The following TSPAN5 variants were observed in gnomAD, a reference collection of about 807,000 sequenced individuals.
TSPAN5 encodes the protein tetraspanin 5, also known as tetraspanin-5.
A neutral mutation model predicts 37.1 loss-of-function variants in TSPAN5; 10 were observed. The ratio of observed to expected loss-of-function variants is 0.27; its 90% CI spans 0.17 to 0.46. The LOEUF (loss-of-function observed/expected upper bound fraction) is 0.46. Among genes scored for constraint, TSPAN5 ranks in the 20% least tolerant of loss-of-function variants. The probability of loss-of-function intolerance (pLI) is 1.00; values close to 1 mark genes in which losing one functional copy is unlikely to be tolerated. For missense variants in TSPAN5, 195 were observed against 326.6 expected, an observed-to-expected ratio of 0.60 and a Z score of 3.11; for synonymous variants, 110 against 118.9, an observed-to-expected ratio of 0.93 and a Z score of 0.48.
At chr4:98,657,978 G>GT (rs980685008) in intron 1 of TSPAN5, among the ~76,000 whole-genome samples, 168 bp downstream of exon 1, 2 of 152,182 alleles carry the variant, frequency 1.3e-5, no homozygotes, top group Admixed American at 1.3e-4. Flanking sequence ...AGGATTAAAT[G>GT]TTTATCTCTC....
intron 2 of TSPAN5, among the ~76,000 whole-genome samples, chr4:98,488,242 T>TA: frequency 6.6e-6 from 1 of 152,168 alleles, no homozygotes; most frequent in Non-Finnish European, 1.5e-5. Flanking sequence ...TTCCCAGTAC[T>TA]TCCCAGTCAG....
intron 1 of TSPAN5, chr4:98,657,682 G>A (rs1466151823): frequency 4.3e-6 from 1 of 232,324 alleles, no homozygotes; most frequent in Non-Finnish European, 8.4e-6. Flanking sequence ...GCACAGACCA[G>A]CCGCGGCAAC....
At chr4:98,541,194 C>G (rs1419271852) in intron 1 of TSPAN5, among the ~76,000 whole-genome samples, 3 of 152,196 alleles carry the variant, frequency 2.0e-5, no homozygotes, top group Non-Finnish European at 4.4e-5. Context: ...TAGACCCTTT[C>G]TAGTCCTAAG....
At chr4:98,537,268 C>T (rs1190349390) in intron 1 of TSPAN5, among the ~76,000 whole-genome samples, 2 of 152,184 alleles carry the variant, frequency 1.3e-5, no homozygotes, top group African/African-American at 4.8e-5. Context: ...CCTTGCGCTT[C>T]CCGGGTGAGG....
At chr4:98,535,795 T>C (rs933902536) in intron 1 of TSPAN5, among the ~76,000 whole-genome samples, 1 of 152,196 alleles carries the variant, frequency 6.6e-6, no homozygotes, top group African/African-American at 2.4e-5. Flanking sequence ...TCTTCAATCA[T>C]TGCTATCCTT....
intron 1 of TSPAN5, among the ~76,000 whole-genome samples, chr4:98,570,998 C>A (rs1490734158): frequency 6.7e-6 from 1 of 150,094 alleles, no homozygotes; most frequent in Non-Finnish European, 1.5e-5. Context: ...GGCGACAGAG[C>A]AAGACTCTAT....
At chr4:98,480,366 T>C (rs966546118) in intron 4 of TSPAN5, among the ~76,000 whole-genome samples, 3 of 152,226 alleles carry the variant, frequency 2.0e-5, no homozygotes, top group Admixed American at 6.5e-5. Context: ...AACAAGTGCA[T>C]GTGTTTTACA....
chr4:98,498,755 G>A (rs745428029), intron 2 of TSPAN5, among the ~76,000 whole-genome samples: 11 of 152,138 alleles, frequency 7.2e-5, no homozygotes, highest in Non-Finnish European at 1.0e-4. Context: ...CACTTGACCC[G>A]CACAGCCATT....
intron 1 of TSPAN5, among the ~76,000 whole-genome samples, chr4:98,530,278 T>A (rs774246647): frequency 1.3e-5 from 2 of 152,186 alleles, no homozygotes; most frequent in Non-Finnish European, 2.9e-5. Flanking sequence ...CCCTAGACAC[T>A]GAGAAAGTGA....
intron 1 of TSPAN5, among the ~76,000 whole-genome samples, chr4:98,568,979 CT>C (rs1365164119): frequency 6.6e-6 from 1 of 152,220 alleles, no homozygotes; most frequent in African/African-American, 2.4e-5. Flanking sequence ...TCAGGACCCA[CT>C]GGCAAAGTCA....
At chr4:98,542,236 T>C (rs1248106365) in intron 1 of TSPAN5, among the ~76,000 whole-genome samples, 1 of 152,228 alleles carries the variant, frequency 6.6e-6, no homozygotes, top group African/African-American at 2.4e-5. Flanking sequence ...ACACATCTGC[T>C]CACATCCGTT....
At chr4:98,494,208 G>C (rs948037066) in intron 2 of TSPAN5, among the ~76,000 whole-genome samples, 5 of 152,070 alleles carry the variant, frequency 3.3e-5, no homozygotes, top group African/African-American at 1.2e-4. Context: ...GCTCTAGAGT[G>C]GGGCAGAGAG....
chr4:98,553,738 T>A (rs1230241498), intron 1 of TSPAN5, among the ~76,000 whole-genome samples: 1 of 152,038 alleles, frequency 6.6e-6, no homozygotes, highest in African/African-American at 2.4e-5. Flanking sequence ...AACTTCAGAT[T>A]TCAGCTAATT....
intron 1 of TSPAN5, among the ~76,000 whole-genome samples, chr4:98,540,343 C>CT (rs879675525): frequency 0.015 from 2,157 of 146,616 alleles, 42 homozygotes; most frequent in African/African-American, 0.05. Context: ...TTCCCTCTTC[C>CT]TTTTTTTTTT....
Position 98,472,415 on chromosome 4 carries a change from G to T in TSPAN5, c.*107C>A. On this transcript the variant is annotated 3_prime_UTR_variant, in exon 8 of 8. Transcript: ENST00000305798. ...GGCAGCTCCATTAGGCGAGACTGCA[G>T]GCTGCATCTGTGATTAGGTCCATGC... is the stretch of plus-strand genomic sequence containing the variant. The T allele has an allele frequency of 1.1e-6, 1 of 907,268 alleles. No individual in the cohort carries two copies. Among genetic ancestry groups the T allele is most frequent in the Non-Finnish European group, 1.7e-6 (1 of 578,740 alleles). The allele number at this position is 907,268 out of a possible 1,614,324, so 56.2% of individuals were successfully genotyped here.
chr4:98,513,728 C>T (rs770351874), intron 1 of TSPAN5, among the ~76,000 whole-genome samples: 2 of 152,158 alleles, frequency 1.3e-5, no homozygotes, highest in Admixed American at 6.5e-5. Context: ...GGACAGTTTT[C>T]TTTTCTGTGT....
chr4:98,520,954 T>C lies in TSPAN5; in HGVS notation c.82-13226A>G, dbSNP rs561947552. Among the ~76,000 whole-genome samples the C allele has an allele frequency of 1.1e-4, 17 of 150,898 alleles. 1 individual carries two copies. Among genetic ancestry groups the C allele is most frequent in the African/African-American group, 4.1e-4 (17 of 41,314 alleles). On this transcript the variant is annotated intron_variant, in intron 1 of 7. Transcript: ENST00000305798. ...TTTTTGGGGGGCAGGGTGGGGGGGA[T>C]AGAGTCTCGCTCTGTCGCCCAGGCT...
At chr4:98,639,850 T>C (rs1182468030) in intron 1 of TSPAN5, among the ~76,000 whole-genome samples, 1 of 152,170 alleles carries the variant, frequency 6.6e-6, no homozygotes, top group Non-Finnish European at 1.5e-5. Flanking sequence ...AAAACATTGT[T>C]CCAGAAATCT....
intron 1 of TSPAN5, among the ~76,000 whole-genome samples, chr4:98,576,114 C>T (rs914674672): frequency 6.6e-6 from 1 of 151,960 alleles, no homozygotes. Context: ...CCTTTCTCAG[C>T]CTCTGATAAC....
Sources: gnomAD v4.1 joint callset for allele counts (sites outside exome capture counted in the v4.1 genomes callset) on GRCh38, gnomAD v4.1.1 for gene constraint, MANE v1.5 for transcripts, NCBI Gene and HGNC (gene_info 2026-07-23, HGNC 2026-07-21) for gene names.